OR51B5: variants seen among roughly 807,000 people sequenced by gnomAD.
The protein encoded by OR51B5 is olfactory receptor family 51 subfamily B member 5, also known as olfactory receptor 51B5.
For synonymous variants in OR51B5, 186 were observed against 144.8 expected, an observed-to-expected ratio of 1.28 and a Z score of -2.04; for missense variants, 456 against 374.6, an observed-to-expected ratio of 1.22 and a Z score of -1.79.
upstream of OR51B5, among the ~76,000 whole-genome samples, chr11:5,348,383 G>A (rs184280433): frequency 6.6e-6 from 1 of 152,126 alleles, no homozygotes; most frequent in African/African-American, 2.4e-5. Flanking sequence ...CCAACCCCAT[G>A]TCTTTTACCT....
chr11:5,404,095 G>A (rs1387379207), intron 1 of OR51B5, among the ~76,000 whole-genome samples: 2 of 143,824 alleles, frequency 1.4e-5, no homozygotes, highest in Non-Finnish European at 3.0e-5. Context: ...CAAAATTCTG[G>A]GATTCTCCCA....
chr11:5,357,446 C>T (rs544125118), intron 1 of OR51B5, among the ~76,000 whole-genome samples: 7 of 151,580 alleles, frequency 4.6e-5, no homozygotes, highest in Admixed American at 3.3e-4. Context: ...CATATATGCA[C>T]CCAATACAGG....
At chr11:5,454,500 C>A in intron 1 of OR51B5, 1 of 1,220,036 alleles carries the variant, frequency 8.2e-7, no homozygotes, top group Non-Finnish European at 1.2e-6. Flanking sequence ...TCATCATCAT[C>A]AAAGTATAAG....
At chr11:5,496,626 G>A (rs1334999180) in intron 1 of OR51B5, among the ~76,000 whole-genome samples, 2 of 152,188 alleles carry the variant, frequency 1.3e-5, no homozygotes, top group Non-Finnish European at 2.9e-5. Context: ...CAGCAAGAGG[G>A]GGAGCCTCTT....
At chr11:5,489,736 G>C in intron 1 of OR51B5, 1 of 999,518 alleles carries the variant, frequency 1.0e-6, no homozygotes. Context: ...TGGACACACA[G>C]TGATGATGTG....
intron 1 of OR51B5, among the ~76,000 whole-genome samples, chr11:5,397,986 G>C (rs1238181434): frequency 6.6e-6 from 1 of 152,094 alleles, no homozygotes; most frequent in African/African-American, 2.4e-5. Context: ...TCACTCATAG[G>C]TGGGAACTGA....
At chr11:5,414,990 C>T (rs568837302) in intron 1 of OR51B5, among the ~76,000 whole-genome samples, 33 of 152,058 alleles carry the variant, frequency 2.2e-4, no homozygotes, top group African/African-American at 6.8e-4. Context: ...CAGCACCACA[C>T]CACACCTATT....
At chr11:5,433,319 A>C (rs1850556879) in intron 1 of OR51B5, among the ~76,000 whole-genome samples, 1 of 152,238 alleles carries the variant, frequency 6.6e-6, no homozygotes, top group Non-Finnish European at 1.5e-5. Flanking sequence ...TAACATAGTT[A>C]ATGTAATATA....
intron 1 of OR51B5, among the ~76,000 whole-genome samples, chr11:5,351,304 C>T (rs539748224): frequency 6.6e-6 from 1 of 152,174 alleles, no homozygotes. Flanking sequence ...ATAGAGTAAA[C>T]CCTAAATAAT....
At chr11:5,393,733 G>A (rs1021872853) in intron 1 of OR51B5, among the ~76,000 whole-genome samples, 2 of 152,062 alleles carry the variant, frequency 1.3e-5, no homozygotes, top group African/African-American at 2.4e-5. Context: ...CACCAAACCT[G>A]TGAAGTAGGG....
intron 1 of OR51B5, among the ~76,000 whole-genome samples, chr11:5,460,226 CT>C (rs1466800839): frequency 6.6e-6 from 1 of 152,066 alleles, no homozygotes. Flanking sequence ...ACAACAGATA[CT>C]GGGGCCTACT....
At chr11:5,441,509 C>G (rs764001183) in intron 1 of OR51B5, 52 of 1,610,018 alleles carry the variant, frequency 3.2e-5, no homozygotes, top group South Asian at 8.8e-5. Context: ...CATTGAGACC[C>G]AGCATGGTGG....
chr11:5,342,463 CT>C (rs1258510740), downstream of OR51B5: 1 of 1,186,542 alleles, frequency 8.4e-7, no homozygotes, highest in African/African-American at 1.6e-5. Flanking sequence ...AAACTTGAAG[CT>C]GTATTTTAAC....
intron 1 of OR51B5, among the ~76,000 whole-genome samples, chr11:5,468,104 T>C (rs1410784631): frequency 6.6e-6 from 1 of 152,246 alleles, no homozygotes; most frequent in African/African-American, 2.4e-5. Context: ...TCTGGGTTGA[T>C]ATGATCTCAG....
chr11:5,374,716 T>C lies in OR51B5; in HGVS notation n.85-27806A>G, dbSNP rs557461569. ...AGCCTCAGGAGCTGATGCGATCAAC[T>C]GGAAGAAAGGGTATCAGTGATGGAA... On this transcript the variant is annotated intron_variant and non_coding_transcript_variant, in intron 1 of 4. Transcript: ENST00000415970. Among the ~76,000 whole-genome samples the C allele has an allele frequency of 2.4e-3, 359 of 152,150 alleles. 1 individual carries two copies. Among genetic ancestry groups the C allele is most frequent in the South Asian group, 6.9e-3 (33 of 4,798 alleles).
At chr11:5,412,113 C>G (rs564122753) in intron 1 of OR51B5, among the ~76,000 whole-genome samples, 1 of 152,214 alleles carries the variant, frequency 6.6e-6, no homozygotes. Flanking sequence ...TTTCTCTCCT[C>G]CTCCTCAAAT....
intron 1 of OR51B5, among the ~76,000 whole-genome samples, chr11:5,493,039 C>A (rs534720158): frequency 2.0e-5 from 3 of 152,078 alleles, no homozygotes; most frequent in Non-Finnish European, 4.4e-5. Flanking sequence ...AAAATCCTAC[C>A]GTTTGAGTTT....
At position 5,382,765 on chromosome 11, in the gene OR51B5, C is replaced by G. The variant is rs1178410219; in HGVS notation, n.85-35855G>C. ...ACCCTGACTCTCCTACACTCTGGCC[C>G]TAACAACCAGTTACTTACCCGGTGT... is the stretch of plus-strand genomic sequence containing the variant. On this transcript the variant is annotated intron_variant and non_coding_transcript_variant, in intron 1 of 4. Transcript: ENST00000415970. Among the ~76,000 whole-genome samples, 55 of 152,154 alleles carry G rather than the reference C, an allele frequency of 3.6e-4. 1 individual carries two copies. The highest frequency in any genetic ancestry group is 2.9e-5 in the Non-Finnish European group (2 of 68,026).
chr11:5,374,876 C>G (rs577690488), intron 1 of OR51B5, among the ~76,000 whole-genome samples: 1 of 151,884 alleles, frequency 6.6e-6, no homozygotes, highest in Non-Finnish European at 1.5e-5. Context: ...CTGAAAGTGA[C>G]GGGGAGAATC....
Sources: gnomAD v4.1 joint callset for allele counts (sites outside exome capture counted in the v4.1 genomes callset) on GRCh38, gnomAD v4.1.1 for gene constraint, MANE v1.5 for transcripts, NCBI Gene and HGNC (gene_info 2026-07-23, HGNC 2026-07-21) for gene names.